NT5M: variants seen among roughly 807,000 people sequenced by gnomAD.
NT5M encodes the protein 5',3'-nucleotidase, mitochondrial, also known as 5'(3')-deoxyribonucleotidase, mitochondrial.
A neutral mutation model predicts 22.2 loss-of-function variants in NT5M; 22 were observed. That is an observed-to-expected ratio of 0.99 (90% CI 0.71 to 1.41). The LOEUF (loss-of-function observed/expected upper bound fraction) is 1.41. Among genes scored for constraint, NT5M ranks in the 40% most tolerant of loss-of-function variants. The pLI is 0.00. For synonymous variants in NT5M, 167 were observed against 133.0 expected, an observed-to-expected ratio of 1.26 and a Z score of -1.76; for missense variants, 322 against 314.8, an observed-to-expected ratio of 1.02 and a Z score of -0.17.
At position 17,323,215 on chromosome 17, in the gene NT5M, C is replaced by T. The variant is rs761826900; in HGVS notation, c.399C>T (p.Ile133=). Residue 133 remains isoleucine (I), a synonymous_variant, in exon 3 of 5, where the codon ATC becomes ATT. Coordinates refer to ENST00000389022, the MANE Select transcript of NT5M (RefSeq NM_020201.4). ...NTDVFICTSP[I]KMFKYCPYEK... ...ACGTCTTCATCTGCACAAGCCCCAT[C>T]AAGATGTTCAAGTACTGTCCCTATG... is the stretch of plus-strand genomic sequence containing the variant. 3.1e-6 allele frequency: 5 copies of T among 1,613,968 alleles called. No homozygotes were observed. Among genetic ancestry groups the T allele is most frequent in the Non-Finnish European group, 4.2e-6 (5 of 1,179,944 alleles).
chr17:17,305,810 G>C (rs1048914079), intron 1 of NT5M, among the ~76,000 whole-genome samples: 1 of 152,092 alleles, frequency 6.6e-6, no homozygotes, highest in Non-Finnish European at 1.5e-5. Context: ...GAAAGGCAGC[G>C]GGGGTTGGGG....
chr17:17,340,646 C>T (rs2049620842), intron 3 of NT5M, among the ~76,000 whole-genome samples: 1 of 152,034 alleles, frequency 6.6e-6, no homozygotes, highest in Non-Finnish European at 1.5e-5. Context: ...CCTGCCTTAG[C>T]CTCTCGAGTA....
chr17:17,314,984 T>C (rs1212114984), intron 2 of NT5M, among the ~76,000 whole-genome samples: 1 of 152,196 alleles, frequency 6.6e-6, no homozygotes, highest in Non-Finnish European at 1.5e-5. Flanking sequence ...CCCTTCCTCT[T>C]TTGAGTGTCA....
chr17:17,342,950 A>G (rs1329451813), intron 3 of NT5M, among the ~76,000 whole-genome samples: 1 of 152,190 alleles, frequency 6.6e-6, no homozygotes, highest in Non-Finnish European at 1.5e-5. Flanking sequence ...ACAAGTCAGG[A>G]AAGTTTGGCT....
chr17:17,330,742 C>CTTTT (rs58633073), intron 3 of NT5M, among the ~76,000 whole-genome samples: 159 of 118,678 alleles, frequency 1.3e-3, no homozygotes, highest in East Asian at 2.1e-3. Flanking sequence ...TTCTTTCTTT[C>CTTTT]TTTTTTTTTT....
rs1488602201 is a variant in NT5M, at chr17:17,303,416, C to CCCCGCTCCCCGT, written c.-129_-118dup. ...GCGCGCCCGCACCCCGCGCTCCCCG[C>CCCCGCTCCCCGT]CCCGCTCCCCGTCCCGCGCTCCACG... On this transcript the variant is annotated 5_prime_UTR_variant, in exon 1 of 5. Coordinates refer to ENST00000389022, the MANE Select transcript of NT5M (RefSeq NM_020201.4). 3 of 976,368 alleles carry CCCCGCTCCCCGT rather than the reference C, an allele frequency of 3.1e-6. No homozygotes were observed. The highest frequency in any genetic ancestry group is 2.2e-4 in the East Asian group (2 of 9,120). 60.5% of individuals were successfully genotyped at this position (976,368 alleles called of 1,614,324 possible). A position where few individuals can be genotyped will look rare whatever the true frequency, so the allele number is the denominator to read the frequency against.
chr17:17,342,336 G>A (rs2049660807), intron 3 of NT5M, among the ~76,000 whole-genome samples: 1 of 152,014 alleles, frequency 6.6e-6, no homozygotes, highest in South Asian at 2.1e-4. Context: ...ACGGGATCTC[G>A]TCACCACTAT....
intron 3 of NT5M, among the ~76,000 whole-genome samples, chr17:17,326,394 A>AACCGCG (rs1456238999): frequency 3.9e-5 from 6 of 152,150 alleles, no homozygotes; most frequent in Admixed American, 6.6e-5. Context: ...AGGATTTGGA[A>AACCGCG]ACCGCGCATA....
At chr17:17,345,315 G>A in intron 4 of NT5M, 2 of 1,001,082 alleles carry the variant, frequency 2.0e-6, no homozygotes. Flanking sequence ...CAGGGAAGGT[G>A]GGTTGGGACA....
intron 4 of NT5M, among the ~76,000 whole-genome samples, chr17:17,345,945 C>T (rs2049749151): frequency 6.6e-6 from 1 of 152,220 alleles, no homozygotes; most frequent in Non-Finnish European, 1.5e-5. Context: ...GTTTCTTTGC[C>T]TCTTGGCTCT....
intron 2 of NT5M, among the ~76,000 whole-genome samples, chr17:17,317,757 G>C (rs1238233075): frequency 6.6e-6 from 1 of 152,048 alleles, no homozygotes; most frequent in Non-Finnish European, 1.5e-5. Context: ...CTGAGGTCAA[G>C]AGTTTGAGAC....
chr17:17,303,919 G>A, intron 1 of NT5M, 102 bp downstream of exon 1: 1 of 1,317,416 alleles, frequency 7.6e-7, no homozygotes, highest in Non-Finnish European at 9.7e-7. Flanking sequence ...CCCCAGCCTC[G>A]GGGTGGCCCT....
At chr17:17,314,989 GT>G (rs2048994354) in intron 2 of NT5M, among the ~76,000 whole-genome samples, 2 of 152,104 alleles carry the variant, frequency 1.3e-5, no homozygotes, top group East Asian at 3.8e-4. Context: ...CCTCTTTTGA[GT>G]GTCAGCTCCC....
At position 17,306,558 on chromosome 17, in the gene NT5M, A is replaced by G. The variant is rs759807135; in HGVS notation, c.283A>G (p.Ile95Val). The part of the protein sequence containing the change: ...RPGLSEKAIS[I>V]WESKNFFFEL... ...AACTTCTCAGGAGAAGGCCATCAGC[A>G]TTTGGGAGTCAAAGAATTTCTTTTT... The change falls in exon 2 of 5, where the codon ATT becomes GTT. Residue 95 changes from isoleucine to valine, a missense_variant. Physicochemically the swap from Ile to Val is conservative, Grantham distance 29. Coordinates refer to ENST00000389022, the MANE Select transcript of NT5M (RefSeq NM_020201.4). 2 of 1,613,946 alleles carry G rather than the reference A, an allele frequency of 1.2e-6. No individual in the cohort carries two copies. The highest frequency in any genetic ancestry group is 1.7e-6 in the Non-Finnish European group (2 of 1,179,908).
chr17:17,321,472 T>G (rs2049149945), intron 2 of NT5M, among the ~76,000 whole-genome samples: 1 of 150,934 alleles, frequency 6.6e-6, no homozygotes, highest in African/African-American at 2.4e-5. Context: ...GGCAGGTGAG[T>G]CTCCAGATCC....
chr17:17,311,742 GA>G (rs1434770384), intron 2 of NT5M, among the ~76,000 whole-genome samples: 1 of 152,204 alleles, frequency 6.6e-6, no homozygotes, highest in Non-Finnish European at 1.5e-5. Context: ...AGTTTGAGTT[GA>G]ATCGTAGACC....
chr17:17,317,344 C>T (rs549015406), intron 2 of NT5M, among the ~76,000 whole-genome samples: 128 of 152,242 alleles, frequency 8.4e-4, no homozygotes, highest in Non-Finnish European at 1.4e-3. Context: ...CCACTGCTCC[C>T]GGCCAATTTA....
chr17:17,339,344 CT>C (rs2049591286), intron 3 of NT5M, among the ~76,000 whole-genome samples: 1 of 151,676 alleles, frequency 6.6e-6, no homozygotes, highest in African/African-American at 2.4e-5. Context: ...ACTTTGCTGA[CT>C]TTATCAGTTC....
intron 3 of NT5M, among the ~76,000 whole-genome samples, chr17:17,330,702 A>C (rs1171924286): frequency 6.7e-6 from 1 of 149,222 alleles, no homozygotes; most frequent in Non-Finnish European, 1.5e-5. Context: ...TTTTTAACTT[A>C]AGATAATGAA....
Sources: gnomAD v4.1 joint callset for allele counts (sites outside exome capture counted in the v4.1 genomes callset) on GRCh38, gnomAD v4.1.1 for gene constraint, MANE v1.5 for transcripts, NCBI Gene and HGNC (gene_info 2026-07-23, HGNC 2026-07-21) for gene names.